Variants in MAPK10 observed in about 807,000 individuals in gnomAD.
MAPK10 encodes JNK3 alpha protein kinase.
Under a neutral mutation model 59.3 loss-of-function variants are expected in MAPK10, and 25 were observed. That is an observed-to-expected ratio of 0.42 (90% CI 0.31 to 0.59). The LOEUF (loss-of-function observed/expected upper bound fraction) is 0.59, where lower values mean the gene tolerates loss of function less well. Among genes scored for constraint, MAPK10 ranks in the 20% least tolerant of loss-of-function variants. MAPK10 has a pLI of 0.15. For missense variants in MAPK10, 351 were observed against 568.9 expected (o/e 0.62, Z 3.90); for synonymous variants, 190 against 200.5 (o/e 0.95, Z 0.44).
At chr4:86,078,540 T>C (rs529555443) in intron 9 of MAPK10, among the ~76,000 whole-genome samples, 2 of 152,100 alleles carry the variant, frequency 1.3e-5, no homozygotes, top group South Asian at 4.2e-4. Context: ...TGTGATTAAA[T>C]TTGTTGTTAA....
rs114173451 is a variant in MAPK10, at chr4:86,442,213, G to A, written c.-122+10817C>T. Among the ~76,000 whole-genome samples, 879 of 152,190 alleles carry A rather than the reference G, an allele frequency of 5.8e-3. 5 individuals are homozygous for A. The highest frequency in any genetic ancestry group is 9.1e-3 in the Non-Finnish European group (620 of 67,998). Reference sequence around the variant, plus strand: ...TTGAGTTGAATATGGTAGAACTTGTGACAATAATAATCCATATAATGTTAT... The same window carrying A: ...TTGAGTTGAATATGGTAGAACTTGTAACAATAATAATCCATATAATGTTAT... On this transcript the variant is annotated intron_variant, in intron 1 of 13. Coordinates refer to the MAPK10 transcript ENST00000361569.
chr4:86,129,538 A>C (rs1487804778), intron 4 of MAPK10, among the ~76,000 whole-genome samples: 1 of 152,228 alleles, frequency 6.6e-6, no homozygotes, highest in African/African-American at 2.4e-5. Context: ...TAAGTATTTT[A>C]AACCAAGATT....
Position 86,567,223 on chromosome 4 carries a change from A to AT in MAPK10, c.-263+26686dup, listed in dbSNP as rs139082508. Among the ~76,000 whole-genome samples the AT allele has an allele frequency of 1.6e-3, 232 of 147,404 alleles. 2 individuals are homozygous for AT. The highest frequency in any genetic ancestry group is 9.3e-3 in the East Asian group (47 of 5,062). On this transcript the variant is annotated intron_variant, in intron 1 of 4. Coordinates refer to the MAPK10 transcript ENST00000502302. ...ACTCAGTATGAAATATTAGTTCTAA[A>AT]TTTTTTTTTTTTTTGAGATGGAGTT...
intron 1 of MAPK10, among the ~76,000 whole-genome samples, chr4:86,452,233 A>G (rs1221451826): frequency 6.6e-6 from 1 of 152,252 alleles, no homozygotes; most frequent in Non-Finnish European, 1.5e-5. Flanking sequence ...AACAGGCTAG[A>G]GCCAGGAATG....
chr4:86,304,742 A>G (rs17449147), intron 2 of MAPK10, among the ~76,000 whole-genome samples: 47,493 of 152,066 alleles, frequency 0.31, 7,797 homozygotes, highest in Non-Finnish European at 0.37. Flanking sequence ...TCTAGACTGT[A>G]AAAACGTCTC....
Position 86,061,865 on chromosome 4 carries a change from G to A in MAPK10, c.1110+2401C>T, listed in dbSNP as rs1158490941. On this transcript the variant is annotated intron_variant, in intron 11 of 13. Transcript: ENST00000641462. ...TACTTCCATTTATTTGGATTATAAA[G>A]ACATACGGGGGTATATTTTGCAAAA... is the stretch of plus-strand genomic sequence containing the variant. Among the ~76,000 whole-genome samples, 3 of 152,112 alleles carry A rather than the reference G, an allele frequency of 2.0e-5. No individual in the cohort carries two copies. The East Asian group carries it at 5.8e-4, about 29-fold the overall frequency.
intron 2 of MAPK10, among the ~76,000 whole-genome samples, chr4:86,241,488 T>C (rs1243714513): frequency 6.6e-6 from 1 of 152,174 alleles, no homozygotes; most frequent in Non-Finnish European, 1.5e-5. Context: ...TTTGGTCTTT[T>C]TATGAAGTCC....
At chr4:86,407,714 T>C (rs1744540597) in intron 1 of MAPK10, among the ~76,000 whole-genome samples, 1 of 152,116 alleles carries the variant, frequency 6.6e-6, no homozygotes, top group Admixed American at 6.6e-5. Context: ...AATAAAGTGA[T>C]ACTAAAGTAT....
At chr4:86,182,270 T>A (rs2077089374) in intron 3 of MAPK10, among the ~76,000 whole-genome samples, 3 of 152,130 alleles carry the variant, frequency 2.0e-5, no homozygotes, top group Non-Finnish European at 4.4e-5. Flanking sequence ...ATAATTGAGT[T>A]AAGAATTAAG....
intron 3 of MAPK10, among the ~76,000 whole-genome samples, chr4:86,162,579 C>A (rs74596600): frequency 6.6e-6 from 1 of 151,942 alleles, no homozygotes; most frequent in South Asian, 2.1e-4. Flanking sequence ...CGCATGTGAA[C>A]GCTTCTCTTT....
intron 2 of MAPK10, among the ~76,000 whole-genome samples, chr4:86,236,511 A>C (rs1230176331): frequency 6.6e-6 from 1 of 152,252 alleles, no homozygotes; most frequent in Non-Finnish European, 1.5e-5. Context: ...CAAGTTAAGG[A>C]GACTGTGTTC....
chr4:86,035,106 C>T (rs914474697), intron 11 of MAPK10, among the ~76,000 whole-genome samples: 2 of 152,030 alleles, frequency 1.3e-5, no homozygotes, highest in Non-Finnish European at 2.9e-5. Flanking sequence ...CGCTGTGGCT[C>T]ATGCCTGTAA....
intron 11 of MAPK10, among the ~76,000 whole-genome samples, chr4:86,050,526 T>C (rs1017383926): frequency 2.6e-5 from 4 of 152,112 alleles, no homozygotes; most frequent in African/African-American, 9.7e-5. Context: ...TCTGTAACTC[T>C]TGGTCCTCCT....
chr4:86,277,133 C>T (rs1341374444), intron 2 of MAPK10: 1 of 151,456 alleles, frequency 6.6e-6, no homozygotes, highest in Non-Finnish European at 1.5e-5. Context: ...CCAATTGTGA[C>T]CATCTTTTTT....
At chr4:86,241,811 T>G (rs897586778) in intron 2 of MAPK10, among the ~76,000 whole-genome samples, 1 of 152,220 alleles carries the variant, frequency 6.6e-6, no homozygotes, top group African/African-American at 2.4e-5. Context: ...ATTACCCATC[T>G]TCTGAAGGCT....
chr4:86,489,326 G>A (rs1226400815), intron 1 of MAPK10, among the ~76,000 whole-genome samples: 3 of 152,012 alleles, frequency 2.0e-5, no homozygotes, highest in East Asian at 1.9e-4. Context: ...CAAAGTAGGC[G>A]CTGCTCTCCT....
At chr4:86,476,726 T>C (rs1198590108) in intron 1 of MAPK10, among the ~76,000 whole-genome samples, 3 of 152,136 alleles carry the variant, frequency 2.0e-5, no homozygotes, top group Non-Finnish European at 2.9e-5. Context: ...CAAGTAGCAA[T>C]GTATTTCTGA....
At chr4:86,119,905 G>A (rs2058958257) in intron 4 of MAPK10, 1 of 152,222 alleles carries the variant, frequency 6.6e-6, no homozygotes, top group Non-Finnish European at 1.5e-5. Context: ...TACCTCTTCA[G>A]AACTCCCAAT....
At chr4:86,262,675 A>C (rs2094049987) in intron 2 of MAPK10, among the ~76,000 whole-genome samples, 1 of 152,182 alleles carries the variant, frequency 6.6e-6, no homozygotes, top group African/African-American at 2.4e-5. Flanking sequence ...GAATGAATGA[A>C]TGATTCTAAC....
Sources: allele counts gnomAD v4.1 joint callset (sites outside exome capture counted in the v4.1 genomes callset), GRCh38; gene constraint gnomAD v4.1.1; transcripts MANE v1.5; gene names NCBI Gene and HGNC (gene_info 2026-07-23, HGNC 2026-07-21).